DMD: variants seen among roughly 807,000 people sequenced by gnomAD.
DMD encodes the protein dystrophin.
DMD carries 63 observed loss-of-function variants against 330.1 expected under a neutral mutation model. The ratio of observed to expected loss-of-function variants is 0.19; its 90% confidence interval spans 0.16 to 0.24. The LOEUF is 0.24. Among genes scored for constraint, DMD ranks in the 10% least tolerant of loss-of-function variants. The pLI is 1.00. For synonymous variants in DMD, 1,223 were observed against 959.8 expected (o/e 1.27, Z -5.07); for missense variants, 3,344 against 2,684.1 (o/e 1.25, Z -5.43).
chrX:31,910,086 C>T (rs954654931), intron 47 of DMD, among the ~76,000 whole-genome samples: 2 of 112,048 alleles, frequency 1.8e-5, no homozygotes, highest in African/African-American at 6.5e-5. Flanking sequence ...TGGCATTTGC[C>T]TGGGAGTTGG....
chrX:32,391,248 C>G (rs2098000151), intron 30 of DMD, among the ~76,000 whole-genome samples: 1 of 110,955 alleles, frequency 9.0e-6, no homozygotes, highest in African/African-American at 3.3e-5. Context: ...ACCAGAGTGC[C>G]CATAACATTA....
intron 2 of DMD, among the ~76,000 whole-genome samples, chrX:32,994,042 T>C (rs1216208936): frequency 9.1e-6 from 1 of 109,354 alleles, no homozygotes; most frequent in Non-Finnish European, 1.9e-5. Context: ...AATCTAATGG[T>C]AATAAAGTTG....
chrX:33,124,853 C>T (rs992819696), intron 1 of DMD, among the ~76,000 whole-genome samples: 5 of 107,590 alleles, frequency 4.6e-5, no homozygotes, highest in Admixed American at 3.0e-4. Context: ...GGAGAAACTC[C>T]GTCTCTCCTA....
intron 47 of DMD, among the ~76,000 whole-genome samples, chrX:31,879,871 A>G (rs1219767569): frequency 8.9e-6 from 1 of 112,325 alleles, no homozygotes; most frequent in Admixed American, 9.5e-5. Context: ...CATTCACATC[A>G]AAGTATAGAC....
intron 57 of DMD, among the ~76,000 whole-genome samples, chrX:31,490,389 C>T (rs1308575258): frequency 9.0e-6 from 1 of 110,729 alleles, no homozygotes; most frequent in African/African-American, 3.3e-5. Flanking sequence ...GGTGAAACCC[C>T]GTCTCTACTA....
intron 29 of DMD, among the ~76,000 whole-genome samples, chrX:32,419,020 C>A (rs1252663889): frequency 1.3e-4 from 12 of 94,151 alleles, no homozygotes; most frequent in African/African-American, 5.0e-4. Flanking sequence ...TTGAAGCACA[C>A]ATTGTATTGT....
chrX:32,926,571 G>A (rs1010730289), intron 2 of DMD, among the ~76,000 whole-genome samples: 2 of 110,239 alleles, frequency 1.8e-5, no homozygotes, highest in Admixed American at 1.9e-4. Context: ...GCAACATAGT[G>A]AAACCCCGTC....
At chrX:32,524,646 T>C (rs2046779145) in intron 17 of DMD, among the ~76,000 whole-genome samples, 1 of 112,366 alleles carries the variant, frequency 8.9e-6, no homozygotes, top group Admixed American at 9.4e-5. Context: ...TAACTGTCTG[T>C]TTGCTTCTCT....
chrX:32,310,051 T>C, intron 42 of DMD, 31 bp downstream of exon 42: 1 of 1,170,916 alleles, frequency 8.5e-7, no homozygotes, highest in Non-Finnish European at 1.2e-6. Context: ...GATCACCTTG[T>C]AAAATACGAA....
chrX:31,892,812 GT>G (rs768170495), intron 47 of DMD, among the ~76,000 whole-genome samples: 1 of 112,094 alleles, frequency 8.9e-6, no homozygotes, highest in Admixed American at 9.5e-5. Context: ...TGTATATATA[GT>G]TTATCATGGA....
chrX:31,725,764 C>T (rs921543569), intron 52 of DMD, among the ~76,000 whole-genome samples: 2 of 112,047 alleles, frequency 1.8e-5, no homozygotes, highest in African/African-American at 6.5e-5. Flanking sequence ...GGAGAAGCTA[C>T]AGAAACAAGG....
chrX:31,510,125 G>A (rs994035137), intron 55 of DMD, among the ~76,000 whole-genome samples: 4 of 112,092 alleles, frequency 3.6e-5, no homozygotes, highest in South Asian at 3.7e-4. Context: ...TACAAAGCAC[G>A]TACAAATGTA....
At chrX:32,824,853 A>G (rs1569529380) in intron 4 of DMD, among the ~76,000 whole-genome samples, 1 of 111,967 alleles carries the variant, frequency 8.9e-6, no homozygotes. Context: ...TTTTAGTTTT[A>G]TAAGATGTTA....
intron 41 of DMD, among the ~76,000 whole-genome samples, chrX:32,335,901 CATATA>C (rs2097709426): frequency 9.6e-6 from 1 of 103,738 alleles, no homozygotes; most frequent in African/African-American, 3.5e-5. Context: ...ACATGTTATA[CATATA>C]ACGTGTATAT....
intron 44 of DMD, among the ~76,000 whole-genome samples, chrX:32,003,828 G>A (rs1360886877): frequency 9.0e-6 from 1 of 111,033 alleles, no homozygotes; most frequent in Admixed American, 9.7e-5. Context: ...TTTGCTATAT[G>A]TGTATAATTA....
At chrX:31,473,299 C>T (rs12687529) in intron 59 of DMD, among the ~76,000 whole-genome samples, 27,051 of 104,097 alleles carry the variant, frequency 0.26, 4,082 homozygotes, top group African/African-American at 0.54. Flanking sequence ...ACCCAGGAGG[C>T]GGAGGTTGCA....
Position 31,657,996 on chromosome X carries a change from T to C in DMD, c.8021A>G (p.His2674Arg). The C allele has an allele frequency of 8.3e-7, 1 of 1,208,955 alleles. No individual in the cohort carries two copies. The highest frequency in any genetic ancestry group is 1.8e-5 in the South Asian group (1 of 56,915). ...ENINASWRSIHKRVSEREAAL... is the reference protein window; with the variant it reads ...ENINASWRSIRKRVSEREAAL... Reference sequence around the variant, plus strand: ...GAAATAATGTAATTCATACCTTTTATGAATGCTTCTCCAAGAGGCATTGAT... The same window carrying C: ...GAAATAATGTAATTCATACCTTTTACGAATGCTTCTCCAAGAGGCATTGAT... Residue 2674 changes from histidine to arginine, a missense_variant, in exon 54 of 79, where the codon CAT (histidine) becomes CGT (arginine). Coordinates refer to ENST00000357033, the MANE Select transcript of DMD (RefSeq NM_004006.3).
chrX:33,119,002 A>T (rs1368833372), intron 1 of DMD, among the ~76,000 whole-genome samples: 1 of 111,929 alleles, frequency 8.9e-6, no homozygotes, highest in Non-Finnish European at 1.9e-5. Flanking sequence ...TAAACTGCTC[A>T]TTATCTTTAA....
intron 44 of DMD, among the ~76,000 whole-genome samples, chrX:32,165,712 T>C (rs147603156): frequency 4.8e-4 from 54 of 111,654 alleles, no homozygotes; most frequent in East Asian, 2.0e-3. Flanking sequence ...CAAAATGATA[T>C]GTTTGGGCTT....
Sources: gnomAD v4.1 joint callset for allele counts (sites outside exome capture counted in the v4.1 genomes callset) on GRCh38, gnomAD v4.1.1 for gene constraint, MANE v1.5 for transcripts, NCBI Gene and HGNC (gene_info 2026-07-23, HGNC 2026-07-21) for gene names.